The following SHISAL1 variants were observed in gnomAD, a reference collection of about 807,000 sequenced individuals.
SHISAL1 encodes protein shisa-like-1.
Under a neutral mutation model 22.6 loss-of-function variants are expected in SHISAL1, and 9 were observed. The ratio of observed to expected loss-of-function variants is 0.40; its 90% CI spans 0.24 to 0.70. The LOEUF is 0.70. SHISAL1 is among the 30% of genes least tolerant of loss of function. SHISAL1 has a pLI of 0.39. For missense variants in SHISAL1, 246 were observed against 270.6 expected, an observed-to-expected ratio of 0.91 and a Z score of 0.64; for synonymous variants, 119 against 115.4, an observed-to-expected ratio of 1.03 and a Z score of -0.20.
At chr22:44,314,083 A>C (rs1234968235), upstream of SHISAL1, among the ~76,000 whole-genome samples, 1 of 151,556 alleles carries the variant, frequency 6.6e-6, no homozygotes, top group Non-Finnish European at 1.5e-5. Context: ...ATTATCCCCA[A>C]TTTACAGATG....
At chr22:44,304,586 G>A (rs1438238291) in intron 1 of SHISAL1, among the ~76,000 whole-genome samples, 1 of 152,102 alleles carries the variant, frequency 6.6e-6, no homozygotes, top group Non-Finnish European at 1.5e-5. Context: ...CTCGTCCCTG[G>A]GAGCTGTAAG....
chr22:44,297,431 G>T (rs1443948905), intron 2 of SHISAL1, among the ~76,000 whole-genome samples: 1 of 152,234 alleles, frequency 6.6e-6, no homozygotes, highest in Non-Finnish European at 1.5e-5. Flanking sequence ...GCCCAGGCTG[G>T]CCCGGGTGGT....
At chr22:44,330,050 A>G in the SHISAL1 span, among the ~76,000 whole-genome samples, 1 of 152,238 alleles carries the variant, frequency 6.6e-6, no homozygotes, top group Non-Finnish European at 1.5e-5. Flanking sequence ...GCCAGCAGCG[A>G]GATTCACAGG....
intron 4 of SHISAL1, among the ~76,000 whole-genome samples, chr22:44,283,822 GC>G (rs2055292923): frequency 6.6e-6 from 1 of 152,200 alleles, no homozygotes; most frequent in Non-Finnish European, 1.5e-5. Flanking sequence ...CCTCAGAGAT[GC>G]CTGGTCAGTA....
intron 2 of SHISAL1, among the ~76,000 whole-genome samples, chr22:44,298,018 A>C (rs943049541): frequency 7.2e-5 from 11 of 152,118 alleles, no homozygotes; most frequent in African/African-American, 2.4e-4. Context: ...GGCGGCCTTC[A>C]TGTGCTGGGG....
At chr22:44,282,086 G>C (rs1266761197) in intron 4 of SHISAL1, among the ~76,000 whole-genome samples, 1 of 152,236 alleles carries the variant, frequency 6.6e-6, no homozygotes, top group Non-Finnish European at 1.5e-5. Flanking sequence ...CAATACTGCT[G>C]TTCAGCGGTG....
chr22:44,312,154 A>G (rs1015887324), intron 1 of SHISAL1, among the ~76,000 whole-genome samples: 11 of 152,234 alleles, frequency 7.2e-5, no homozygotes, highest in African/African-American at 2.7e-4. Context: ...TGGGGACAAC[A>G]AACCTGCCTT....
At chr22:44,265,388 C>G (rs1471098212) in intron 4 of SHISAL1, among the ~76,000 whole-genome samples, 4 of 152,110 alleles carry the variant, frequency 2.6e-5, no homozygotes, top group Non-Finnish European at 5.9e-5. Context: ...TGTGGAGAGG[C>G]CCACCTGGTG....
chr22:44,274,850 A>C (rs768952079), intron 4 of SHISAL1, among the ~76,000 whole-genome samples: 3 of 152,096 alleles, frequency 2.0e-5, no homozygotes, highest in Non-Finnish European at 4.4e-5. Flanking sequence ...AATAATAATC[A>C]CAGTTAGCAT....
the SHISAL1 span, among the ~76,000 whole-genome samples, chr22:44,320,698 G>T: frequency 6.6e-6 from 1 of 152,158 alleles, no homozygotes; most frequent in Non-Finnish European, 1.5e-5. Context: ...AGCTCCAGCC[G>T]ATGTCCAGGC....
At chr22:44,268,043 CTTCCATTA>C (rs2055177065) in intron 4 of SHISAL1, among the ~76,000 whole-genome samples, 1 of 152,224 alleles carries the variant, frequency 6.6e-6, no homozygotes, top group African/African-American at 2.4e-5. Flanking sequence ...CCTTTGGGGG[CTTCCATTA>C]TTCACAACCC....
the SHISAL1 span, among the ~76,000 whole-genome samples, chr22:44,327,429 C>T: frequency 3.2e-4 from 49 of 152,194 alleles, no homozygotes; most frequent in African/African-American, 1.1e-3. Context: ...TCTGACCTGG[C>T]CACAGCTAAG....
intron 4 of SHISAL1, among the ~76,000 whole-genome samples, chr22:44,276,583 G>C (rs1440642053): frequency 6.6e-6 from 1 of 152,044 alleles, no homozygotes; most frequent in South Asian, 2.1e-4. Context: ...GTGGATTCTG[G>C]CTTCATTTTC....
intron 4 of SHISAL1, among the ~76,000 whole-genome samples, chr22:44,266,347 A>C (rs2055160847): frequency 6.8e-6 from 1 of 148,052 alleles, no homozygotes; most frequent in Admixed American, 6.7e-5. Context: ...ACCTAGATGG[A>C]TGGGGATGGG....
At chr22:44,281,328 G>A (rs1208114139) in intron 4 of SHISAL1, among the ~76,000 whole-genome samples, 1 of 152,182 alleles carries the variant, frequency 6.6e-6, no homozygotes, top group Non-Finnish European at 1.5e-5. Flanking sequence ...GACAAGGGTA[G>A]GGAGTCCAGC....
Position 44,248,294 on chromosome 22 carries a change from C to A in SHISAL1, c.*1391G>T, listed in dbSNP as rs1343262850. The A allele has an allele frequency of 6.9e-6, 1 of 145,770 alleles. No homozygotes were observed. The highest frequency in any genetic ancestry group is 2.8e-5 in the African/African-American group (1 of 35,368). The allele number at this position is 145,770 out of a possible 1,614,324, so 9.0% of individuals were successfully genotyped here. On this transcript the variant is annotated 3_prime_UTR_variant, in exon 5 of 5. Coordinates refer to ENST00000381176, the MANE Select transcript of SHISAL1 (RefSeq NM_001099294.2). ...TAGGTCTGATGAAATGAGGAAACTG[C>A]GTCAGAGGACACACACATTGATCAA...
intron 4 of SHISAL1, among the ~76,000 whole-genome samples, chr22:44,261,844 T>C (rs1026260537): frequency 1.3e-5 from 2 of 152,262 alleles, no homozygotes; most frequent in African/African-American, 2.4e-5. Flanking sequence ...TCCTAGGCAC[T>C]CTGCAGGTCA....
At chr22:44,268,260 G>C (rs1041002521) in intron 4 of SHISAL1, among the ~76,000 whole-genome samples, 28 of 152,204 alleles carry the variant, frequency 1.8e-4, no homozygotes, top group Admixed American at 1.6e-3. Context: ...CCTTTTCATC[G>C]ACAGCCTCTG....
rs150423062 is a variant in SHISAL1, at chr22:44,283,774, T to C, written c.599+1654A>G. ...AAAAGCTTGGCTCTTATAGACGTTT[T>C]CCAGTGCCTCCTGAGCTGTAGTGCC... is the stretch of plus-strand genomic sequence containing the variant. On this transcript the variant is annotated intron_variant, in intron 4 of 4. Coordinates refer to ENST00000381176, the MANE Select transcript of SHISAL1 (RefSeq NM_001099294.2). 2.2e-4 allele frequency among the ~76,000 whole-genome samples: 34 copies of C among 152,316 alleles called. No individual in the cohort carries two copies. In the East Asian group the frequency reaches 3.9e-3, roughly 17 times the overall value.
Sources: allele counts gnomAD v4.1 joint callset (sites outside exome capture counted in the v4.1 genomes callset), GRCh38; gene constraint gnomAD v4.1.1; transcripts MANE v1.5; gene names NCBI Gene and HGNC (gene_info 2026-07-23, HGNC 2026-07-21).